The following PIK3R4 variants were observed in gnomAD, a reference collection of about 807,000 sequenced individuals.
The protein encoded by PIK3R4 is phosphoinositide-3-kinase regulatory subunit 4, also known as phosphoinositide 3-kinase regulatory subunit 4.
PIK3R4 carries 46 observed loss-of-function variants against 136.5 expected under a neutral mutation model. The ratio of observed to expected loss-of-function variants is 0.34; its 90% CI spans 0.27 to 0.43. PIK3R4 has a LOEUF of 0.43. Among genes scored for constraint, PIK3R4 ranks in the 20% least tolerant of loss-of-function variants. PIK3R4 has a pLI of 1.00. For synonymous variants in PIK3R4, 557 were observed against 566.7 expected (o/e 0.98, Z 0.24); for missense variants, 1,331 against 1,649.5 (o/e 0.81, Z 3.35).
intron 2 of PIK3R4, among the ~76,000 whole-genome samples, chr3:130,742,315 A>G (rs999523288): frequency 4.6e-5 from 7 of 152,254 alleles, no homozygotes; most frequent in Non-Finnish European, 8.8e-5. Context: ...TGAAGTTTAC[A>G]AAACTATAAT....
intron 13 of PIK3R4, among the ~76,000 whole-genome samples, chr3:130,692,813 A>G (rs1262377378): frequency 6.6e-6 from 1 of 152,190 alleles, no homozygotes; most frequent in Non-Finnish European, 1.5e-5. Flanking sequence ...TCTCACACAC[A>G]CTTAGGCTTT....
At chr3:130,743,664 T>C (rs553010014) in intron 2 of PIK3R4, among the ~76,000 whole-genome samples, 2 of 152,266 alleles carry the variant, frequency 1.3e-5, no homozygotes, top group South Asian at 4.1e-4. Flanking sequence ...CAATTCTATC[T>C]ACTAATTATC....
intron 6 of PIK3R4, among the ~76,000 whole-genome samples, chr3:130,726,316 A>G (rs2066731579): frequency 6.6e-6 from 1 of 152,174 alleles, no homozygotes; most frequent in African/African-American, 2.4e-5. Context: ...AAGAAATAAT[A>G]AAATTTGGAA....
intron 13 of PIK3R4, among the ~76,000 whole-genome samples, chr3:130,696,696 A>T (rs560237164): frequency 7.2e-5 from 11 of 152,312 alleles, no homozygotes; most frequent in African/African-American, 2.6e-4. Flanking sequence ...GATTACATGT[A>T]CACTTAAGGA....
chr3:130,723,062 CAAAAAAAAAAAAAAAA>C (rs61129038), intron 7 of PIK3R4, among the ~76,000 whole-genome samples: 15 of 19,502 alleles, frequency 7.7e-4, no homozygotes, highest in East Asian at 4.2e-3. Flanking sequence ...GAGACTGTCG[CAAAAAAAAAAAAAAAA>C]AAAAAAAAAA....
chr3:130,738,927 G>A (rs1300086995), intron 2 of PIK3R4, among the ~76,000 whole-genome samples: 1 of 152,272 alleles, frequency 6.6e-6, no homozygotes, highest in Non-Finnish European at 1.5e-5. Flanking sequence ...ACTGTTGAAT[G>A]TGGAGGACGT....
Position 130,734,897 on chromosome 3 carries a change from A to G in PIK3R4, c.868-767T>C, listed in dbSNP as rs116600054. On this transcript the variant is annotated intron_variant, in intron 3 of 19. Coordinates refer to ENST00000356763, the MANE Select transcript of PIK3R4 (RefSeq NM_014602.3). ...CTGTTTACAGTTTAAATAAGAGCTT[A>G]GTAGTGAACATGGGGGACTCAAATG... is the stretch of plus-strand genomic sequence containing the variant. Among the ~76,000 whole-genome samples the G allele has an allele frequency of 1.3e-3, 199 of 152,350 alleles. 1 individual carries two copies. The highest frequency in any genetic ancestry group is 6.8e-3 in the Middle Eastern group (2 of 294).
At chr3:130,690,147 G>A (rs1029196167) in intron 14 of PIK3R4, among the ~76,000 whole-genome samples, 2 of 152,122 alleles carry the variant, frequency 1.3e-5, no homozygotes, top group Admixed American at 1.3e-4. Context: ...TGTGTTTTTA[G>A]TAGCTGAGAC....
chr3:130,727,533 T>TA (rs1336396207), intron 6 of PIK3R4, among the ~76,000 whole-genome samples: 3 of 115,162 alleles, frequency 2.6e-5, no homozygotes, highest in Non-Finnish European at 4.8e-5. Flanking sequence ...CTTAAAGTCT[T>TA]ACAGCTTCTG....
In PIK3R4 at chr3:130,708,327, G is replaced by C. The variant is rs749637717; in HGVS notation, c.2497C>G (p.Leu833Val). The change falls in exon 10 of 20, where the codon CTT becomes GTT. Residue 833 changes from leucine to valine, a missense_variant. By Grantham distance (32) the Leu-to-Val change is conservative (BLOSUM62 1). Coordinates refer to ENST00000356763, the MANE Select transcript of PIK3R4 (RefSeq NM_014602.3). ...ALGITGRQVD[L>V]VKTKQEPDDK... ...TCTGGTTCTTGTTTGGTTTTAACAA[G>C]ATCAACTTGTCTCCCAGTTATGCCT... 1.2e-6 allele frequency: 2 copies of C among 1,613,708 alleles called. No homozygotes were observed. The highest frequency in any genetic ancestry group is 1.7e-6 in the Non-Finnish European group (2 of 1,179,726).
chr3:130,684,873 A>G (rs541565774), intron 15 of PIK3R4, among the ~76,000 whole-genome samples: 40 of 152,330 alleles, frequency 2.6e-4, no homozygotes, highest in African/African-American at 9.1e-4. Flanking sequence ...ATAGACAGGT[A>G]TGTTACATCT....
intron 13 of PIK3R4, among the ~76,000 whole-genome samples, chr3:130,692,814 C>CTT (rs1188457823): frequency 1.3e-5 from 2 of 152,216 alleles, no homozygotes; most frequent in African/African-American, 4.8e-5. Context: ...CTCACACACA[C>CTT]TTAGGCTTTC....
intron 9 of PIK3R4, among the ~76,000 whole-genome samples, chr3:130,709,050 G>C (rs1415576289): frequency 6.6e-6 from 1 of 152,074 alleles, no homozygotes; most frequent in East Asian, 1.9e-4. Flanking sequence ...AGCAATCTAG[G>C]ATAATGGCTG....
chr3:130,679,397 A>G lies in PIK3R4; in HGVS notation c.3995T>C (p.Ile1332Thr). 1 of 1,606,476 alleles carries G rather than the reference A, an allele frequency of 6.2e-7. No homozygotes were observed. The highest frequency in any genetic ancestry group is 2.2e-5 in the East Asian group (1 of 44,844). ...GGTCTGGAATGTGGCGACATCAGTGATGATGTCATGATGTCCCACGGGCAG... is the reference window on the plus strand; with the variant it reads ...GGTCTGGAATGTGGCGACATCAGTGGTGATGTCATGATGTCCCACGGGCAG... ...ESLPVGHHDI[I>T]TDVATFQTTQ... The change falls in exon 20 of 20, where the codon ATC (isoleucine) becomes ACC (threonine). Residue 1332 changes from isoleucine (I) to threonine (T), a missense_variant. Physicochemically the swap from Ile to Thr is moderately conservative, Grantham distance 89 (BLOSUM62 -1). Coordinates refer to ENST00000356763, the MANE Select transcript of PIK3R4 (RefSeq NM_014602.3).
At position 130,723,282 on chromosome 3, in the gene PIK3R4, C is replaced by T. The variant is rs148161442; in HGVS notation, c.1981+132G>A. The T allele has an allele frequency of 6.9e-6, 5 of 728,694 alleles. No homozygotes were observed. In the East Asian group the frequency reaches 1.4e-4, roughly 20 times the overall value. 45.1% of individuals were successfully genotyped at this position (728,694 alleles called of 1,614,324 possible). A position where few individuals can be genotyped will look rare whatever the true frequency, so the allele number is the denominator to read the frequency against. On this transcript the variant is annotated intron_variant, in intron 7 of 19. Transcript: ENST00000356763. ...GCACACATACACATACACACATGCA[C>T]ACCCACACAATCAATAGTAGGAACC...
intron 2 of PIK3R4, among the ~76,000 whole-genome samples, chr3:130,736,966 G>GT (rs1559831139): frequency 2.6e-5 from 4 of 152,204 alleles, no homozygotes; most frequent in Admixed American, 6.5e-5. Context: ...CAGAAATTTT[G>GT]TAAGTATCCA....
rs74468749 is a variant in PIK3R4, at chr3:130,736,261, G to A, written c.734-259C>T. Among the ~76,000 whole-genome samples, 1,367 of 152,116 alleles carry A rather than the reference G, an allele frequency of 9.0e-3. 19 individuals are homozygous for A. The highest frequency in any genetic ancestry group is 0.052 in the East Asian group (271 of 5,180). ...TTAAAAAAACTTAAATAATTCCCCCGTTCTGTAATTTAAAATGAATGTATA... is the reference window on the plus strand; with the variant it reads ...TTAAAAAAACTTAAATAATTCCCCCATTCTGTAATTTAAAATGAATGTATA... On this transcript the variant is annotated intron_variant, in intron 2 of 19. Transcript: ENST00000356763.
intron 16 of PIK3R4, 146 bp from the exon 17 acceptor site, chr3:130,681,737 T>G (rs576886143): frequency 1.8e-6 from 1 of 566,186 alleles, no homozygotes; most frequent in African/African-American, 1.9e-5. Context: ...CACTTAATAA[T>G]ATTTACTGAG....
intron 14 of PIK3R4, 116 bp from the exon 15 acceptor site, chr3:130,686,538 A>C (rs1009045208): frequency 1.4e-5 from 9 of 650,676 alleles, no homozygotes; most frequent in Non-Finnish European, 2.4e-5. Context: ...ATGTGACTCT[A>C]TCAAGAAAAC....
Sources: allele counts gnomAD v4.1 joint callset (sites outside exome capture counted in the v4.1 genomes callset), GRCh38; gene constraint gnomAD v4.1.1; transcripts MANE v1.5; gene names NCBI Gene and HGNC (gene_info 2026-07-23, HGNC 2026-07-21).